SNRPC: variants seen among roughly 807,000 people sequenced by gnomAD.
SNRPC encodes the protein small nuclear ribonucleoprotein polypeptide C, also known as U1 small nuclear ribonucleoprotein C.
Under a neutral mutation model 20.0 loss-of-function variants are expected in SNRPC, and 5 were observed. That is an observed-to-expected ratio of 0.25 (90% CI 0.13 to 0.53). The LOEUF (loss-of-function observed/expected upper bound fraction) is 0.53. Among genes scored for constraint, SNRPC ranks in the 20% least tolerant of loss-of-function variants. SNRPC has a pLI of 0.96. For synonymous variants in SNRPC, 61 were observed against 58.7 expected, an observed-to-expected ratio of 1.04 and a Z score of -0.18; for missense variants, 112 against 224.1, an observed-to-expected ratio of 0.50 and a Z score of 3.19.
intron 4 of SNRPC, among the ~76,000 whole-genome samples, 171 bp from the exon 5 acceptor site, chr6:34,770,120 G>A (rs533116432): frequency 4.6e-5 from 7 of 152,380 alleles, no homozygotes; most frequent in Middle Eastern, 3.4e-3. Context: ...TACTTGGGAG[G>A]CTGAGGCAGG....
At position 34,773,590 on chromosome 6, in the gene SNRPC, T is replaced by A. The variant is rs752348275; in HGVS notation, c.*20T>A. 1.2e-6 allele frequency: 2 copies of A among 1,610,730 alleles called. No individual in the cohort carries two copies. Among genetic ancestry groups the A allele is most frequent in the South Asian group, 2.2e-5 (2 of 91,020 alleles). ...AGATAAGGATAGAGGGGAGGCCTTA[T>A]TGTATCGGTTTTATATTACCTGTTC... is the stretch of plus-strand genomic sequence containing the variant. On this transcript the variant is annotated 3_prime_UTR_variant, in exon 6 of 6. Transcript: ENST00000244520. The surrounding 1 kb of genome is among the most constrained non-coding windows in gnomAD (Gnocchi z 4.1).
chr6:34,763,723 T>C (rs551576819), intron 3 of SNRPC, among the ~76,000 whole-genome samples: 1 of 150,852 alleles, frequency 6.6e-6, no homozygotes, highest in Admixed American at 6.6e-5. Flanking sequence ...TTTATTTTTA[T>C]TTATTTATTT....
rs537381766 is a variant in SNRPC at position 34,766,996 on chromosome 6, C to A, written c.161-912C>A. On this transcript the variant is annotated intron_variant, in intron 3 of 5. Transcript: ENST00000244520. ...ACTAAATATAGATGATCTTCAGTTTCTCTTGTTTTCTCTTGTGCTTCATCT... is the reference window on the plus strand; with the variant it reads ...ACTAAATATAGATGATCTTCAGTTTATCTTGTTTTCTCTTGTGCTTCATCT... Among the ~76,000 whole-genome samples, 5 of 152,070 alleles carry A rather than the reference C, an allele frequency of 3.3e-5. No homozygotes were observed. The South Asian group carries it at 1.0e-3, about 31-fold the overall frequency.
chr6:34,768,279 G>T (rs1190954855), intron 4 of SNRPC, among the ~76,000 whole-genome samples: 1 of 151,406 alleles, frequency 6.6e-6, no homozygotes, highest in Non-Finnish European at 1.5e-5. Context: ...GATTTAAATG[G>T]AAAGAAAGCT....
intron 4 of SNRPC, 95 bp downstream of exon 4, chr6:34,768,092 C>G (rs970391064): frequency 1.0e-6 from 1 of 995,928 alleles, no homozygotes; most frequent in African/African-American, 1.6e-5. Context: ...AATGCTGTTG[C>G]ATTTGTATGT....
chr6:34,759,038 A>AG (rs34724479), intron 2 of SNRPC, among the ~76,000 whole-genome samples: 16,829 of 141,014 alleles, frequency 0.12, 1,751 homozygotes, highest in African/African-American at 0.19. Flanking sequence ...AAAAAAAAAA[A>AG]AAAAAAAGAA....
chr6:34,765,888 A>G (rs1022462072), intron 3 of SNRPC, among the ~76,000 whole-genome samples: 2 of 151,696 alleles, frequency 1.3e-5, no homozygotes, highest in African/African-American at 4.8e-5. Flanking sequence ...ACAGGTGCAC[A>G]CCACTATGCC....
intron 3 of SNRPC, among the ~76,000 whole-genome samples, chr6:34,764,253 G>T (rs1442040133): frequency 6.6e-6 from 1 of 151,638 alleles, no homozygotes; most frequent in Non-Finnish European, 1.5e-5. Context: ...GCTGAGGCGG[G>T]TGGATCACCT....
At position 34,757,804 on chromosome 6, in the gene SNRPC, CT is replaced by C. The variant is rs778855974; in HGVS notation, c.9-103del. The C allele has an allele frequency of 2.5e-4, 398 of 1,603,036 alleles. 2 individuals carry two copies. In the Middle Eastern group the frequency reaches 3.7e-3, roughly 15 times the overall value. ...GCTTTTGAGTCGTGAGGCGGTCTGG[CT>C]TTTTGTTTTGTTTGTTTGTTTTGTT... On this transcript the variant is annotated intron_variant, in intron 1 of 5. Coordinates refer to ENST00000244520, the MANE Select transcript of SNRPC (RefSeq NM_003093.3).
At chr6:34,757,700 A>G (rs753679137) in intron 1 of SNRPC, 149 bp downstream of exon 1, 283 of 1,384,450 alleles carry the variant, frequency 2.0e-4, no homozygotes, top group Non-Finnish European at 2.6e-4. Flanking sequence ...GGAGAGCGCT[A>G]GACACCCCAT....
intron 4 of SNRPC, among the ~76,000 whole-genome samples, chr6:34,768,532 AC>A (rs1371639830): frequency 1.3e-5 from 2 of 152,104 alleles, no homozygotes; most frequent in Non-Finnish European, 2.9e-5. Context: ...TGGGTGGATC[AC>A]CTGAGGTCAG....
At chr6:34,770,238 A>T in intron 4 of SNRPC, 53 bp from the exon 5 acceptor site, 1 of 1,279,050 alleles carries the variant, frequency 7.8e-7, no homozygotes, top group East Asian at 2.3e-5. Flanking sequence ...AAAAGAAGAG[A>T]AAATGTTAAT....
At chr6:34,769,431 G>A (rs1764658635) in intron 4 of SNRPC, among the ~76,000 whole-genome samples, 1 of 151,828 alleles carries the variant, frequency 6.6e-6, no homozygotes, top group Non-Finnish European at 1.5e-5. Context: ...GACCTCCTGT[G>A]ATCTGCCCGC....
chr6:34,773,822 G>T lies in SNRPC; in HGVS notation c.*252G>T. 3.1e-6 allele frequency: 1 copy of T among 323,810 alleles called. No homozygotes were observed. The highest frequency in any genetic ancestry group is 7.6e-5 in the South Asian group (1 of 13,074). 20.1% of individuals were successfully genotyped at this position (323,810 alleles called of 1,614,324 possible). A position where few individuals can be genotyped will look rare whatever the true frequency, so the allele number is the denominator to read the frequency against. ...GTGTTCCCTTTTTCCTCCTCTCTGT[G>T]TTCTCTGTGTATTATAAAAGAAATG... On this transcript the variant is annotated 3_prime_UTR_variant, in exon 6 of 6. Coordinates refer to ENST00000244520, the MANE Select transcript of SNRPC (RefSeq NM_003093.3). This position sits in a 1 kb window ranked among gnomAD's most constrained non-coding sequence, Gnocchi z 4.1.
intron 2 of SNRPC, among the ~76,000 whole-genome samples, chr6:34,759,019 C>CAA (rs755576537): frequency 0.046 from 1,131 of 24,498 alleles, 68 homozygotes; most frequent in African/African-American, 0.11. Context: ...GACTCCGTCT[C>CAA]AAAAAAAAAA....
Position 34,773,413 on chromosome 6 carries a change from CT to C in SNRPC, c.356-28del. 6.2e-7 allele frequency: 1 copy of C among 1,604,106 alleles called. No homozygotes were observed. Among genetic ancestry groups the C allele is most frequent in the Non-Finnish European group, 8.5e-7 (1 of 1,173,350 alleles). On this transcript the variant is annotated intron_variant, in intron 5 of 5. Transcript: ENST00000244520. The surrounding 1 kb of genome is among the most constrained non-coding windows in gnomAD (Gnocchi z 4.1). Reference sequence around the variant, plus strand: ...TCCCTAAATCGTATTTTCTGACTCCCTTTTTCTCCCTCTTCTTTGTTTTGTC... The same window carrying C: ...TCCCTAAATCGTATTTTCTGACTCCCTTTTCTCCCTCTTCTTTGTTTTGTC...
chr6:34,758,463 G>A (rs1764482686), intron 2 of SNRPC, among the ~76,000 whole-genome samples: 1 of 152,024 alleles, frequency 6.6e-6, no homozygotes, highest in South Asian at 2.1e-4. Flanking sequence ...TTACAGGCAT[G>A]GGCCACCACG....
intron 3 of SNRPC, among the ~76,000 whole-genome samples, chr6:34,765,793 C>T (rs1056959473): frequency 1.3e-5 from 2 of 152,000 alleles, no homozygotes; most frequent in South Asian, 4.1e-4. Context: ...GACTGGAGTG[C>T]TGTGGTGCCA....
At chr6:34,765,613 A>G (rs983798970) in intron 3 of SNRPC, among the ~76,000 whole-genome samples, 1 of 151,022 alleles carries the variant, frequency 6.6e-6, no homozygotes, top group African/African-American at 2.4e-5. Flanking sequence ...ATTTTTTTGT[A>G]TTTTTGGTAG....
Sources: gnomAD v4.1 joint callset for allele counts (sites outside exome capture counted in the v4.1 genomes callset) on GRCh38, gnomAD v4.1.1 for gene constraint, Gnocchi (gnomAD v3.1) non-coding constraint, MANE v1.5 for transcripts, NCBI Gene and HGNC (gene_info 2026-07-23, HGNC 2026-07-21) for gene names.